Variants in SUGCT observed in about 807,000 individuals in gnomAD.
The protein encoded by SUGCT is succinyl-CoA:glutarate CoA-transferase.
A neutral mutation model predicts 55.0 loss-of-function variants in SUGCT; 41 were observed. The ratio of observed to expected loss-of-function variants is 0.74; its 90% CI spans 0.58 to 0.97. The LOEUF is 0.97. Ranked by LOEUF, SUGCT falls within the 50% of genes least tolerant of loss-of-function variation. SUGCT has a pLI of 0.00. For synonymous variants in SUGCT, 187 were observed against 200.4 expected, an observed-to-expected ratio of 0.93 and a Z score of 0.56; for missense variants, 568 against 547.8, an observed-to-expected ratio of 1.04 and a Z score of -0.37.
chr7:40,814,469 C>T (rs1002012047), intron 13 of SUGCT, among the ~76,000 whole-genome samples: 1 of 151,732 alleles, frequency 6.6e-6, no homozygotes, highest in African/African-American at 2.4e-5. Context: ...GAAATTCTTT[C>T]TTCTGCTTGG....
the SUGCT span, among the ~76,000 whole-genome samples, chr7:40,895,493 A>G: frequency 6.6e-6 from 1 of 152,174 alleles, no homozygotes; most frequent in Non-Finnish European, 1.5e-5. Context: ...AGAATCACAA[A>G]CTATGATCAA....
the SUGCT span, among the ~76,000 whole-genome samples, chr7:40,932,752 C>CTTT: frequency 0.01 from 1,281 of 127,748 alleles, 25 homozygotes; most frequent in African/African-American, 0.035. Flanking sequence ...GCAACCTCTG[C>CTTT]TTTTTTTTTT....
chr7:40,950,369 G>T, the SUGCT span, among the ~76,000 whole-genome samples: 1 of 152,076 alleles, frequency 6.6e-6, no homozygotes, highest in African/African-American at 2.4e-5. Context: ...GAGACGATGG[G>T]GTTTTCTAGA....
At chr7:40,486,956 AAGGAGCATGTTC>A (rs1359419527) in intron 11 of SUGCT, among the ~76,000 whole-genome samples, 1 of 151,906 alleles carries the variant, frequency 6.6e-6, no homozygotes, top group Non-Finnish European at 1.5e-5. Flanking sequence ...AACTCTTGTT[AAGGAGCATGTTC>A]AGGAGCATGT....
intron 13 of SUGCT, among the ~76,000 whole-genome samples, chr7:40,768,430 G>A (rs532332104): frequency 5.9e-5 from 9 of 152,134 alleles, no homozygotes; most frequent in East Asian, 1.9e-4. Flanking sequence ...GTTTCAACTC[G>A]CCTTGGCCAC....
intron 13 of SUGCT, among the ~76,000 whole-genome samples, chr7:40,828,233 G>C (rs756091394): frequency 1.3e-5 from 2 of 152,158 alleles, no homozygotes; most frequent in Non-Finnish European, 2.9e-5. Context: ...AGTCAAGTGG[G>C]GCTGCCCCAG....
In SUGCT at chr7:40,496,353, C is replaced by G; in HGVS notation, c.1056C>G (p.Ile352Met). The part of the protein sequence containing the change: ...FEGSGVPYGP[I>M]NNMKNVFAEP... Reference sequence around the variant, plus strand: ...GCAGTGGAGTCCCGTATGGCCCAATCAACAACATGAAGAATGTATTTGCAG... The same window carrying G: ...GCAGTGGAGTCCCGTATGGCCCAATGAACAACATGAAGAATGTATTTGCAG... Residue 352 changes from isoleucine to methionine, a missense_variant, in exon 12 of 14, where the codon ATC (isoleucine) becomes ATG (methionine). Physicochemically the swap from Ile to Met is conservative, Grantham distance 10 (BLOSUM62 1). Coordinates refer to ENST00000335693, the MANE Select transcript of SUGCT (RefSeq NM_001193313.2). The G allele has an allele frequency of 6.2e-7, 1 of 1,612,888 alleles. No individual in the cohort carries two copies. The highest frequency in any genetic ancestry group is 8.5e-7 in the Non-Finnish European group (1 of 1,179,284).
intron 12 of SUGCT, among the ~76,000 whole-genome samples, chr7:40,705,075 G>A (rs7812176): frequency 0.2 from 30,771 of 152,042 alleles, 3,270 homozygotes; most frequent in Non-Finnish European, 0.23. Flanking sequence ...TCGTTTATCA[G>A]TTCTTTTTTA....
the SUGCT span, among the ~76,000 whole-genome samples, chr7:40,951,712 C>G: frequency 6.6e-6 from 1 of 152,080 alleles, no homozygotes; most frequent in Non-Finnish European, 1.5e-5. Context: ...TGTTATGTAC[C>G]CAGTAGTCAT....
At position 40,274,607 on chromosome 7, in the gene SUGCT, A is replaced by G; in HGVS notation, c.671A>G (p.Tyr224Cys). 1 of 1,613,798 alleles carries G rather than the reference A, an allele frequency of 6.2e-7. No homozygotes were observed. The highest frequency in any genetic ancestry group is 8.5e-7 in the Non-Finnish European group (1 of 1,179,774). The change falls in exon 8 of 14, where the codon TAC (tyrosine) becomes TGC (cysteine). Residue 224 changes from tyrosine to cysteine, a missense_variant. Coordinates refer to ENST00000335693, the MANE Select transcript of SUGCT (RefSeq NM_001193313.2). ...GAIMAGLIQK[Y>C]KTGKGLFIDC... is the part of the protein sequence containing the mutation. ...ATTATGGCTGGATTGATACAAAAAT[A>G]CAAAACTGGGAAAGGACTGTTCATT...
chr7:40,584,733 G>A (rs192792187), intron 12 of SUGCT, among the ~76,000 whole-genome samples: 1 of 152,166 alleles, frequency 6.6e-6, no homozygotes, highest in East Asian at 1.9e-4. Context: ...TATGGATATT[G>A]TTCCAAATCC....
At chr7:40,431,427 T>C (rs1240504213) in intron 9 of SUGCT, among the ~76,000 whole-genome samples, 2 of 152,196 alleles carry the variant, frequency 1.3e-5, no homozygotes, top group African/African-American at 4.8e-5. Flanking sequence ...TTGGGGTCTT[T>C]TATGGTTCCA....
the SUGCT span, among the ~76,000 whole-genome samples, chr7:41,029,457 G>C: frequency 6.6e-6 from 1 of 152,134 alleles, no homozygotes; most frequent in African/African-American, 2.4e-5. Context: ...CACATGACTG[G>C]ATGGATGGAT....
the SUGCT span, among the ~76,000 whole-genome samples, chr7:40,869,103 CA>C: frequency 6.6e-6 from 1 of 152,108 alleles, no homozygotes; most frequent in Non-Finnish European, 1.5e-5. Context: ...AGATGGTCCC[CA>C]AGATTCCCAG....
intron 13 of SUGCT, among the ~76,000 whole-genome samples, chr7:40,797,870 G>A (rs1790623703): frequency 6.6e-6 from 1 of 152,212 alleles, no homozygotes; most frequent in Admixed American, 6.5e-5. Context: ...GGAATACAAG[G>A]ACTTCTTTCC....
chr7:40,587,861 A>G (rs1797475011), intron 12 of SUGCT, among the ~76,000 whole-genome samples: 1 of 150,918 alleles, frequency 6.6e-6, no homozygotes, highest in Admixed American at 6.6e-5. Context: ...AAACAGATAT[A>G]TTTATATCCT....
intron 12 of SUGCT, among the ~76,000 whole-genome samples, chr7:40,635,987 T>C (rs895170501): frequency 6.6e-6 from 1 of 152,218 alleles, no homozygotes; most frequent in African/African-American, 2.4e-5. Flanking sequence ...TTCTATGGGA[T>C]ACGTGGAGCA....
chr7:40,192,165 TG>T (rs1250060700), intron 5 of SUGCT, among the ~76,000 whole-genome samples: 17 of 150,610 alleles, frequency 1.1e-4, no homozygotes, highest in Non-Finnish European at 2.2e-4. Flanking sequence ...ATTTAGGCCT[TG>T]GTGGCTATGA....
the SUGCT span, among the ~76,000 whole-genome samples, chr7:41,009,967 G>C: frequency 1.3e-5 from 2 of 152,146 alleles, no homozygotes; most frequent in South Asian, 4.1e-4. Context: ...GTATTCACAT[G>C]CAAACTTTGA....
Sources: allele counts gnomAD v4.1 joint callset (sites outside exome capture counted in the v4.1 genomes callset), GRCh38; gene constraint gnomAD v4.1.1; transcripts MANE v1.5; gene names NCBI Gene and HGNC (gene_info 2026-07-23, HGNC 2026-07-21).